MAGI2: variants seen among roughly 807,000 people sequenced by gnomAD.
The protein encoded by MAGI2 is membrane-associated guanylate kinase, WW and PDZ domain-containing protein 2.
A neutral mutation model predicts 133.3 loss-of-function variants in MAGI2; 35 were observed. That is an observed-to-expected ratio of 0.26 (90% CI 0.20 to 0.35). MAGI2 has a LOEUF of 0.35. Ranked by LOEUF, MAGI2 falls within the 10% of genes least tolerant of loss-of-function variation. MAGI2 has a pLI of 1.00. For missense variants in MAGI2, 1,636 were observed against 1,863.4 expected, an observed-to-expected ratio of 0.88 and a Z score of 2.25; for synonymous variants, 729 against 710.6, an observed-to-expected ratio of 1.03 and a Z score of -0.41.
intron 2 of MAGI2, among the ~76,000 whole-genome samples, chr7:78,952,485 A>G (rs535893628): frequency 6.6e-6 from 1 of 152,238 alleles, no homozygotes; most frequent in South Asian, 2.1e-4. Context: ...ATTCATTTGT[A>G]CAAGCCTACT....
intron 1 of MAGI2, among the ~76,000 whole-genome samples, chr7:79,255,393 G>C (rs1056389741): frequency 1.3e-5 from 2 of 152,302 alleles, no homozygotes; most frequent in Non-Finnish European, 2.9e-5. Context: ...TTCGCATGAA[G>C]TGTAAGGTAT....
intron 2 of MAGI2, among the ~76,000 whole-genome samples, chr7:78,895,348 T>C (rs1252264955): frequency 6.6e-6 from 1 of 152,198 alleles, no homozygotes; most frequent in Admixed American, 6.5e-5. Flanking sequence ...TTTTTCTTTA[T>C]AAATTACCCA....
intron 1 of MAGI2, among the ~76,000 whole-genome samples, chr7:79,245,256 G>T (rs1410762025): frequency 6.6e-6 from 1 of 152,200 alleles, no homozygotes; most frequent in Admixed American, 6.5e-5. Context: ...AGAAGGAAGA[G>T]TAAAGGGGAC....
intron 1 of MAGI2, among the ~76,000 whole-genome samples, chr7:79,289,441 TG>T (rs1268086022): frequency 6.6e-6 from 1 of 152,150 alleles, no homozygotes; most frequent in East Asian, 1.9e-4. Flanking sequence ...GGCAAGGTCA[TG>T]AGATTTAATA....
intron 9 of MAGI2, among the ~76,000 whole-genome samples, chr7:78,325,535 C>A (rs896683873): frequency 6.6e-6 from 1 of 152,244 alleles, no homozygotes; most frequent in African/African-American, 2.4e-5. Context: ...TTCTCCACCC[C>A]TCTCTTCTAT....
At chr7:78,664,491 T>A (rs778827231) in intron 2 of MAGI2, among the ~76,000 whole-genome samples, 1 of 152,064 alleles carries the variant, frequency 6.6e-6, no homozygotes, top group African/African-American at 2.4e-5. Context: ...TAATCAGTAA[T>A]TGAAAGAACT....
chr7:79,141,083 C>A (rs568441061), intron 1 of MAGI2, among the ~76,000 whole-genome samples: 2 of 152,316 alleles, frequency 1.3e-5, no homozygotes, highest in African/African-American at 4.8e-5. Flanking sequence ...ACCATCACCA[C>A]AAATCCTACA....
intron 9 of MAGI2, among the ~76,000 whole-genome samples, chr7:78,303,378 CAAAAA>C (rs11377993): frequency 3.0e-5 from 1 of 33,348 alleles, no homozygotes; most frequent in Non-Finnish European, 5.1e-5. Flanking sequence ...AAACTGTCTC[CAAAAA>C]AAAAAAAAAA....
chr7:79,113,080 T>C (rs944205395), intron 1 of MAGI2, among the ~76,000 whole-genome samples: 3 of 152,242 alleles, frequency 2.0e-5, no homozygotes, highest in African/African-American at 4.8e-5. Flanking sequence ...CAGATTGTCA[T>C]ATAGACTAAG....
intron 2 of MAGI2, among the ~76,000 whole-genome samples, chr7:78,999,313 T>C (rs1806628853): frequency 6.6e-6 from 1 of 152,108 alleles, no homozygotes. Context: ...CTTTTTTTTT[T>C]TCGGTGCCAA....
intron 2 of MAGI2, among the ~76,000 whole-genome samples, chr7:78,966,564 C>G (rs749137276): frequency 4.6e-5 from 7 of 152,052 alleles, no homozygotes; most frequent in Non-Finnish European, 7.4e-5. Flanking sequence ...TTTTCTTTAT[C>G]TACTCATCTG....
At chr7:79,368,077 T>A (rs1842836196) in intron 1 of MAGI2, among the ~76,000 whole-genome samples, 1 of 151,844 alleles carries the variant, frequency 6.6e-6, no homozygotes, top group South Asian at 2.1e-4. Flanking sequence ...CAGAAGATTC[T>A]GTGGATGAGA....
intron 4 of MAGI2, among the ~76,000 whole-genome samples, chr7:78,521,027 A>C (rs1456522620): frequency 6.6e-6 from 1 of 152,174 alleles, no homozygotes; most frequent in Non-Finnish European, 1.5e-5. Context: ...GATTTCGAAG[A>C]ATAGATTTTC....
In MAGI2 at chr7:78,057,399, T is replaced by C. The variant is rs1029105594; in HGVS notation, c.3706+21548A>G. ...CTAGGATTACAGGTGCCCTCCACCA[T>C]GCCTGGCTAATTTTTTGTAATTTTA... On this transcript the variant is annotated intron_variant, in intron 21 of 21. Transcript: ENST00000354212. Among the ~76,000 whole-genome samples, 5 of 152,096 alleles carry C rather than the reference T, an allele frequency of 3.3e-5. 1 individual carries two copies. Among genetic ancestry groups the C allele is most frequent in the African/African-American group, 1.2e-4 (5 of 41,408 alleles).
At chr7:78,750,683 C>T (rs928198451) in intron 2 of MAGI2, among the ~76,000 whole-genome samples, 2 of 152,044 alleles carry the variant, frequency 1.3e-5, no homozygotes, top group Non-Finnish European at 2.9e-5. Context: ...CTCTGGAGAA[C>T]AGATATGGTG....
At chr7:79,001,002 C>T (rs1006061861) in intron 2 of MAGI2, among the ~76,000 whole-genome samples, 3 of 152,110 alleles carry the variant, frequency 2.0e-5, no homozygotes, top group Admixed American at 1.3e-4. Context: ...CTGCAACCTC[C>T]GCCTCCCGGG....
At chr7:79,391,540 C>CAT (rs1198335417) in intron 1 of MAGI2, among the ~76,000 whole-genome samples, 4,500 of 46,160 alleles carry the variant, frequency 0.097, 136 homozygotes, top group South Asian at 0.12. Flanking sequence ...TATATATAGA[C>CAT]ATATATATAT....
chr7:78,218,728 A>G (rs1294721606), intron 10 of MAGI2, among the ~76,000 whole-genome samples: 1 of 152,202 alleles, frequency 6.6e-6, no homozygotes, highest in African/African-American at 2.4e-5. Context: ...GGACCCACCT[A>G]GGGACTCTGT....
At chr7:78,871,458 T>TA (rs1165538836) in intron 2 of MAGI2, among the ~76,000 whole-genome samples, 1 of 152,026 alleles carries the variant, frequency 6.6e-6, no homozygotes, top group Non-Finnish European at 1.5e-5. Context: ...ACCTATGTAA[T>TA]AAAAAACCAC....
Sources: allele counts gnomAD v4.1 joint callset (sites outside exome capture counted in the v4.1 genomes callset), GRCh38; gene constraint gnomAD v4.1.1; transcripts MANE v1.5; gene names NCBI Gene and HGNC (gene_info 2026-07-23, HGNC 2026-07-21).